The following GIGYF1 variants were observed in gnomAD, a reference collection of about 807,000 sequenced individuals.
GIGYF1 encodes GRB10 interacting GYF protein 1, also known as GRB10-interacting GYF protein 1.
In GIGYF1, 84 loss-of-function variants were observed where a neutral mutation model predicts 147.1. That is an observed-to-expected ratio of 0.57 (90% confidence interval 0.48 to 0.68). GIGYF1 has a LOEUF of 0.68. GIGYF1 is among the 30% of genes least tolerant of loss of function. GIGYF1 has a pLI of 0.00. For missense variants in GIGYF1, 1,485 were observed against 1,393.7 expected, an observed-to-expected ratio of 1.07 and a Z score of -1.04; for synonymous variants, 752 against 589.5, an observed-to-expected ratio of 1.28 and a Z score of -3.99.
At chr7:100,688,543 C>CGAGTCCTT (rs1242373817) in intron 2 of GIGYF1, 28 bp from the exon 3 acceptor site, 10 of 622,582 alleles carry the variant, frequency 1.6e-5, no homozygotes, top group Non-Finnish European at 2.7e-5. Flanking sequence ...ATGGGAAGCT[C>CGAGTCCTT]GAGTCCTTTC....
At position 100,681,662 on chromosome 7, in the gene GIGYF1, G is replaced by T; in HGVS notation, c.*57C>A. On this transcript the variant is annotated 3_prime_UTR_variant, in exon 27 of 27. Coordinates refer to ENST00000678049, the MANE Select transcript of GIGYF1 (RefSeq NM_001375765.1). ...GGGAGCCTGCAGGCTGGGACCCTCG[G>T]TCCACGCCGCTGTGGCTGCCCTGGC... The T allele has an allele frequency of 6.7e-7, 1 of 1,489,526 alleles. No homozygotes were observed. The highest frequency in any genetic ancestry group is 9.0e-7 in the Non-Finnish European group (1 of 1,113,576). 92.3% of individuals were successfully genotyped at this position (1,489,526 alleles called of 1,614,324 possible). A position where few individuals can be genotyped will look rare whatever the true frequency, so the allele number is the denominator to read the frequency against.
rs193253445 is a variant in GIGYF1, at chr7:100,681,636, G to C, written c.*83C>G. ...CCCTGCCTCTTCCTGTGCTCTCTGC[G>C]GGGAGCCTGCAGGCTGGGACCCTCG... On this transcript the variant is annotated 3_prime_UTR_variant, in exon 27 of 27. Transcript: ENST00000678049. 1.4e-5 allele frequency: 19 copies of C among 1,336,950 alleles called. No homozygotes were observed. The highest frequency in any genetic ancestry group is 8.8e-5 in the African/African-American group (6 of 68,258). The allele number at this position is 1,336,950 out of a possible 1,614,324, so 82.8% of individuals were successfully genotyped here.
At position 100,681,516 on chromosome 7, in the gene GIGYF1, T is replaced by A. The variant is rs190509510; in HGVS notation, c.*203A>T. The A allele has an allele frequency of 2.5e-6, 1 of 399,948 alleles. No individual in the cohort carries two copies. The highest frequency in any genetic ancestry group is 2.2e-5 in the African/African-American group (1 of 45,930). 24.8% of individuals were successfully genotyped at this position (399,948 alleles called of 1,614,324 possible). ...AGTCGTTTAAAATTAAAAAAAAAAATAAAAAGAAAAACCCCCTCCCCCAGT... is the reference window on the plus strand; with the variant it reads ...AGTCGTTTAAAATTAAAAAAAAAAAAAAAAAGAAAAACCCCCTCCCCCAGT... On this transcript the variant is annotated 3_prime_UTR_variant, in exon 27 of 27. Transcript: ENST00000678049.
rs1324208224 is a variant in GIGYF1 at position 100,681,629 on chromosome 7, T to C, written c.*90A>G. 7.9e-7 allele frequency: 1 copy of C among 1,272,704 alleles called. No homozygotes were observed. The highest frequency in any genetic ancestry group is 1.1e-6 in the Non-Finnish European group (1 of 933,848). The allele number at this position is 1,272,704 out of a possible 1,614,324, so 78.8% of individuals were successfully genotyped here. A position where few individuals can be genotyped will look rare whatever the true frequency, so the allele number is the denominator to read the frequency against. On this transcript the variant is annotated 3_prime_UTR_variant, in exon 27 of 27. Transcript: ENST00000678049. ...ACCCCGCCCCTGCCTCTTCCTGTGC[T>C]CTCTGCGGGGAGCCTGCAGGCTGGG...
In GIGYF1 at chr7:100,681,629, T is replaced by G. The variant is rs1324208224; in HGVS notation, c.*90A>C. The G allele has an allele frequency of 5.5e-6, 7 of 1,272,586 alleles. No individual in the cohort carries two copies. The highest frequency in any genetic ancestry group is 7.5e-6 in the Non-Finnish European group (7 of 933,856). The allele number at this position is 1,272,586 out of a possible 1,614,324, so 78.8% of individuals were successfully genotyped here. ...ACCCCGCCCCTGCCTCTTCCTGTGC[T>G]CTCTGCGGGGAGCCTGCAGGCTGGG... On this transcript the variant is annotated 3_prime_UTR_variant, in exon 27 of 27. Transcript: ENST00000678049.
chr7:100,681,996 A>G lies in GIGYF1; in HGVS notation c.2926-3T>C. On this transcript the variant is annotated splice_polypyrimidine_tract_variant and splice_region_variant and intron_variant, in intron 25 of 26. Transcript: ENST00000678049. ...GAGGCGCTGCTCAGCCATGCCTCCT[A>G]AGGCAGCGGAGAGGAGGGTGAAGGT... The G allele has an allele frequency of 6.2e-7, 1 of 1,609,384 alleles. No individual in the cohort carries two copies. The highest frequency in any genetic ancestry group is 2.2e-5 in the East Asian group (1 of 44,868).
chr7:100,684,890 G>A lies in GIGYF1; in HGVS notation c.1295C>T (p.Ala432Val), dbSNP rs1260766814. 6.9e-6 allele frequency: 11 copies of A among 1,604,508 alleles called. No homozygotes were observed. The highest frequency in any genetic ancestry group is 9.4e-6 in the Non-Finnish European group (11 of 1,174,950). ...DEGLKHLQQEAEKLVASLQDS... is the reference protein window; with the variant it reads ...DEGLKHLQQEVEKLVASLQDS... The stretch of plus-strand genomic sequence containing the variant: ...CTGCAGGGAGGCCACCAGCTTCTCC[G>A]CCTCCTGGATGCCCAGAAAAAGAAG... Residue 432 changes from alanine to valine, a missense_variant, in exon 15 of 27, where the codon GCG (alanine) becomes GTG (valine). Coordinates refer to ENST00000678049, the MANE Select transcript of GIGYF1 (RefSeq NM_001375765.1).
At position 100,681,479 on chromosome 7, in the gene GIGYF1, A is replaced by G. The variant is rs1199878578; in HGVS notation, c.*240T>C. ...TTTTAACAATATTTTTGCCTCTCCTAATGTTTTCTTCAGTCGTTTAAAATT... is the reference window on the plus strand; with the variant it reads ...TTTTAACAATATTTTTGCCTCTCCTGATGTTTTCTTCAGTCGTTTAAAATT... On this transcript the variant is annotated 3_prime_UTR_variant, in exon 27 of 27. Coordinates refer to ENST00000678049, the MANE Select transcript of GIGYF1 (RefSeq NM_001375765.1). 2 of 399,100 alleles carry G rather than the reference A, an allele frequency of 5.0e-6. No homozygotes were observed. Among genetic ancestry groups the G allele is most frequent in the Non-Finnish European group, 8.8e-6 (2 of 226,966 alleles). The allele number at this position is 399,100 out of a possible 1,614,324, so 24.7% of individuals were successfully genotyped here.
At chr7:100,690,072 C>T (rs554283304) in intron 1 of GIGYF1, among the ~76,000 whole-genome samples, 2 of 152,306 alleles carry the variant, frequency 1.3e-5, no homozygotes, top group South Asian at 2.1e-4. Flanking sequence ...TGTGAGTGTA[C>T]TTAGTAACAC....
At position 100,688,961 on chromosome 7, in the gene GIGYF1, CCCACTAGAG is replaced by C. The variant is rs1357389976; in HGVS notation, c.-513_-505del. ...ACAAAAACAAGCAAGCAAACAAAAA[CCCACTAGAG>C]CCACAAATAGCTTACAGAGAAAAGG... On this transcript the variant is annotated 5_prime_UTR_variant, in exon 2 of 27. It removes the in-frame stop codon of an upstream open reading frame in the 5' UTR. Transcript: ENST00000678049. 1 of 154,104 alleles carries C rather than the reference CCCACTAGAG, an allele frequency of 6.5e-6. No individual in the cohort carries two copies. The highest frequency in any genetic ancestry group is 1.4e-5 in the Non-Finnish European group (1 of 69,170). The allele number at this position is 154,104 out of a possible 1,614,324, so 9.5% of individuals were successfully genotyped here.
chr7:100,685,029 G>A lies in GIGYF1; in HGVS notation c.1290+20C>T, dbSNP rs747087004. 4.4e-5 allele frequency: 69 copies of A among 1,555,026 alleles called. No homozygotes were observed. In the Admixed American group the frequency reaches 4.8e-4, roughly 11 times the overall value. Reference sequence around the variant, plus strand: ...GTCAGAAGTGGGAAGGGTCCCTCCCGCTTTCTCAGGCCCCCACACCTGCTG... The same window carrying A: ...GTCAGAAGTGGGAAGGGTCCCTCCCACTTTCTCAGGCCCCCACACCTGCTG... On this transcript the variant is annotated intron_variant, in intron 14 of 26. Transcript: ENST00000678049.
At position 100,684,786 on chromosome 7, in the gene GIGYF1, G is replaced by A. The variant is rs765241688; in HGVS notation, c.1399C>T (p.Leu467Phe). ...GLRHSAAATA[L>F]PLSHGAARKW... is the part of the protein sequence containing the mutation. ...CGGGCAGCCCCATGGCTGAGCGGGA[G>A]GGCAGTGGCGGCTGCAGAGTGGCGC... Residue 467 changes from leucine (L) to phenylalanine (F), a missense_variant, in exon 15 of 27, where the codon CTC (leucine) becomes TTC (phenylalanine). By Grantham distance (22) the Leu-to-Phe change is conservative (BLOSUM62 0). Transcript: ENST00000678049. 6.2e-6 allele frequency: 10 copies of A among 1,611,802 alleles called. No individual in the cohort carries two copies. Among genetic ancestry groups the A allele is most frequent in the South Asian group, 3.3e-5 (3 of 90,918 alleles).
rs936730908 is a variant in GIGYF1 at position 100,683,235 on chromosome 7, G to C, written c.2194-5C>G. On this transcript the variant is annotated splice_region_variant and splice_polypyrimidine_tract_variant and intron_variant, in intron 21 of 26. Transcript: ENST00000678049. ...CAATAGCTCCTGCTGCCGCACCTAA[G>C]AGGGGGACATGGTGAGGGGACCTGG... The C allele has an allele frequency of 3.7e-6, 6 of 1,612,536 alleles. No individual in the cohort carries two copies. Among genetic ancestry groups the C allele is most frequent in the Non-Finnish European group, 5.1e-6 (6 of 1,179,976 alleles).
intron 1 of GIGYF1, among the ~76,000 whole-genome samples, chr7:100,692,207 C>G (rs1351674716): frequency 6.6e-6 from 1 of 152,236 alleles, no homozygotes; most frequent in Non-Finnish European, 1.5e-5. Flanking sequence ...GAGATGCAAA[C>G]CCGCATTCTT....
intron 1 of GIGYF1, among the ~76,000 whole-genome samples, chr7:100,690,967 GAGAGCAGGCCC>G (rs1313556312): frequency 1.9e-4 from 29 of 152,030 alleles, no homozygotes; most frequent in African/African-American, 7.0e-4. Context: ...AGACAGGGGA[GAGAGCAGGCCC>G]AGAGCAGGAA....
At chr7:100,692,543 C>T (rs1425991136) in intron 1 of GIGYF1, among the ~76,000 whole-genome samples, 2 of 152,222 alleles carry the variant, frequency 1.3e-5, no homozygotes, top group Non-Finnish European at 2.9e-5. Context: ...CTTCATCTAG[C>T]CTCCTCCTCT....
chr7:100,682,521 G>A, intron 23 of GIGYF1, 39 bp from the exon 24 acceptor site: 1 of 1,603,300 alleles, frequency 6.2e-7, no homozygotes, highest in Non-Finnish European at 8.5e-7. Context: ...AAATCAGCTG[G>A]CAGGGGTTGG....
intron 1 of GIGYF1, among the ~76,000 whole-genome samples, chr7:100,691,727 C>T (rs1223050986): frequency 6.6e-6 from 1 of 152,090 alleles, no homozygotes; most frequent in Non-Finnish European, 1.5e-5. Context: ...CCTCAAGCCT[C>T]GGCCTACTTC....
intron 6 of GIGYF1, 46 bp from the exon 7 acceptor site, chr7:100,687,662 C>T: frequency 6.7e-7 from 1 of 1,497,114 alleles, no homozygotes; most frequent in Non-Finnish European, 9.1e-7. Context: ...GGCACCCAAC[C>T]ACCTCCACCC....
Sources: allele counts gnomAD v4.1 joint callset (sites outside exome capture counted in the v4.1 genomes callset), GRCh38; gene constraint gnomAD v4.1.1; transcripts MANE v1.5; gene names NCBI Gene and HGNC (gene_info 2026-07-23, HGNC 2026-07-21).